Variants in XRRA1 observed in about 807,000 individuals in gnomAD.
The protein encoded by XRRA1 is X-ray radiation resistance associated 1.
A neutral mutation model predicts 80.2 loss-of-function variants in XRRA1; 69 were observed. The ratio of observed to expected loss-of-function variants is 0.86; its 90% CI spans 0.71 to 1.05. The LOEUF (loss-of-function observed/expected upper bound fraction) is 1.05. XRRA1 is among the 50% of genes least tolerant of loss of function. The pLI is 0.00. For synonymous variants in XRRA1, 348 were observed against 389.9 expected (o/e 0.89, Z 1.27); for missense variants, 967 against 976.4 (o/e 0.99, Z 0.13).
intron 8 of XRRA1, chr11:74,918,874 C>A (rs1205187789): frequency 6.6e-6 from 1 of 152,234 alleles, no homozygotes; most frequent in Non-Finnish European, 1.5e-5. Flanking sequence ...GCAGTACTAA[C>A]CATGGTAACT....
intron 8 of XRRA1, among the ~76,000 whole-genome samples, chr11:74,912,414 G>A (rs2056120710): frequency 6.6e-6 from 1 of 152,196 alleles, no homozygotes; most frequent in Admixed American, 6.5e-5. Context: ...AGAAGTGGCT[G>A]AGAGGCTGAG....
At chr11:74,845,435 T>C (rs886597015) in intron 15 of XRRA1, among the ~76,000 whole-genome samples, 164 bp from the exon 16 acceptor site, 1 of 152,228 alleles carries the variant, frequency 6.6e-6, no homozygotes, top group Non-Finnish European at 1.5e-5. Flanking sequence ...AGACAATTGA[T>C]AAATGCTTTA....
intron 10 of XRRA1, among the ~76,000 whole-genome samples, chr11:74,889,809 A>G (rs1425660140): frequency 6.6e-6 from 1 of 152,144 alleles, no homozygotes; most frequent in Non-Finnish European, 1.5e-5. Flanking sequence ...GACGAAGGCC[A>G]TTACATAATG....
intron 15 of XRRA1, among the ~76,000 whole-genome samples, chr11:74,847,312 G>A (rs1395141640): frequency 6.6e-6 from 1 of 152,170 alleles, no homozygotes; most frequent in African/African-American, 2.4e-5. Context: ...TGAGCAGACT[G>A]GAGGGGCAAG....
rs61112350 is a variant in XRRA1 at position 74,857,380 on chromosome 11, C to CA, written c.1170+1777dup. 3.8e-3 allele frequency among the ~76,000 whole-genome samples: 551 copies of CA among 144,022 alleles called. 2 individuals are homozygous for CA. In the Middle Eastern group the frequency reaches 0.041, roughly 11 times the overall value. 94.5% of individuals were successfully genotyped at this position (144,022 alleles called of 152,430 possible). On this transcript the variant is annotated intron_variant, in intron 12 of 18. Coordinates refer to ENST00000684022, the MANE Select transcript of XRRA1 (RefSeq NM_001378157.1). The stretch of plus-strand genomic sequence containing the variant: ...TCAAGACAAGGAATATGATTAGAGG[C>CA]AAAAAAAAAAGGCAACTCATAATTT...
chr11:74,846,615 G>A (rs1034780506), intron 15 of XRRA1, among the ~76,000 whole-genome samples: 1 of 151,492 alleles, frequency 6.6e-6, no homozygotes, highest in Non-Finnish European at 1.5e-5. Context: ...AGGAATGAAA[G>A]GTTGGTTTAA....
intron 10 of XRRA1, 49 bp downstream of exon 10, chr11:74,906,190 G>A (rs1565374082): frequency 6.5e-7 from 1 of 1,545,454 alleles, no homozygotes; most frequent in South Asian, 1.1e-5. Context: ...TCTCAGAAGT[G>A]TATTTCCACC....
At chr11:74,933,699 A>T in intron 5 of XRRA1, 102 bp downstream of exon 5, 1 of 1,023,216 alleles carries the variant, frequency 9.8e-7, no homozygotes, top group Non-Finnish European at 1.5e-6. Flanking sequence ...CCAGATTTCC[A>T]GTCCCTAGGG....
intron 8 of XRRA1, chr11:74,919,608 G>A (rs766427567): frequency 9.4e-5 from 51 of 544,392 alleles, no homozygotes; most frequent in Admixed American, 4.6e-4. Flanking sequence ...GAAGAAGGGT[G>A]GCAAGAAGAA....
At chr11:74,886,963 G>C (rs148247694) in intron 10 of XRRA1, among the ~76,000 whole-genome samples, 2 of 152,304 alleles carry the variant, frequency 1.3e-5, no homozygotes, top group African/African-American at 4.8e-5. Flanking sequence ...ATAAACAACA[G>C]GAAAAGATTC....
At chr11:74,869,293 A>T (rs1344334780) in intron 10 of XRRA1, among the ~76,000 whole-genome samples, 1 of 152,158 alleles carries the variant, frequency 6.6e-6, no homozygotes, top group Non-Finnish European at 1.5e-5. Flanking sequence ...TTTGAAACTA[A>T]AGGAGAACAA....
At chr11:74,850,540 G>GT (rs2039517880) in intron 14 of XRRA1, among the ~76,000 whole-genome samples, 1 of 152,196 alleles carries the variant, frequency 6.6e-6, no homozygotes, top group Non-Finnish European at 1.5e-5. Context: ...AAAGACTAAA[G>GT]TTCAGGAGGG....
chr11:74,850,805 G>T, intron 14 of XRRA1: 1 of 189,828 alleles, frequency 5.3e-6, no homozygotes. Flanking sequence ...AAAGTGCTGG[G>T]ATTAGAGGCG....
chr11:74,877,880 G>C (rs1285673789), intron 10 of XRRA1, among the ~76,000 whole-genome samples: 2 of 151,928 alleles, frequency 1.3e-5, no homozygotes, highest in East Asian at 3.9e-4. Flanking sequence ...CATTTGGGTT[G>C]GTTCCAAGTC....
Position 74,841,060 on chromosome 11 carries a change from A to G in XRRA1, c.*2140T>C, listed in dbSNP as rs2036463345. The G allele has an allele frequency of 6.6e-6, 1 of 152,170 alleles. No homozygotes were observed. Among genetic ancestry groups the G allele is most frequent in the African/African-American group, 2.4e-5 (1 of 41,440 alleles). The allele number at this position is 152,170 out of a possible 1,614,324, so 9.4% of individuals were successfully genotyped here. A position where few individuals can be genotyped will look rare whatever the true frequency, so the allele number is the denominator to read the frequency against. On this transcript the variant is annotated 3_prime_UTR_variant, in exon 19 of 19. Transcript: ENST00000684022. ...AGTCTCCATAGTATAAGTAAGTAATATGAATGTGGAATCTTGGAAAGTGAT... is the reference window on the plus strand; with the variant it reads ...AGTCTCCATAGTATAAGTAAGTAATGTGAATGTGGAATCTTGGAAAGTGAT...
chr11:74,906,497 G>A (rs1209321519), intron 9 of XRRA1, 41 bp from the exon 10 acceptor site: 1 of 1,589,326 alleles, frequency 6.3e-7, no homozygotes, highest in Non-Finnish European at 8.6e-7. Context: ...TAGCAATAAT[G>A]ATACCTCAGG....
At chr11:74,874,933 G>A (rs1231909096) in intron 10 of XRRA1, among the ~76,000 whole-genome samples, 1 of 152,188 alleles carries the variant, frequency 6.6e-6, no homozygotes, top group Non-Finnish European at 1.5e-5. Flanking sequence ...GACATTGAAA[G>A]TGCACCCCTC....
intron 10 of XRRA1, among the ~76,000 whole-genome samples, chr11:74,877,967 G>C (rs1010228372): frequency 6.6e-6 from 1 of 151,758 alleles, no homozygotes; most frequent in Non-Finnish European, 1.5e-5. Context: ...TAATCCTTTG[G>C]GTATATACCC....
rs1020641514 is a variant in XRRA1, at chr11:74,842,976, T to C, written c.*224A>G. The stretch of plus-strand genomic sequence containing the variant: ...ATGTGGCACCCAGTCTATTGCCCTG[T>C]GCACCCACTCTTTATTGCCGCTGGG... On this transcript the variant is annotated 3_prime_UTR_variant, in exon 19 of 19. Transcript: ENST00000684022. 2 of 589,600 alleles carry C rather than the reference T, an allele frequency of 3.4e-6. No homozygotes were observed. Among genetic ancestry groups the C allele is most frequent in the African/African-American group, 3.7e-5 (2 of 53,898 alleles). 36.5% of individuals were successfully genotyped at this position (589,600 alleles called of 1,614,324 possible).
Sources: allele counts gnomAD v4.1 joint callset (sites outside exome capture counted in the v4.1 genomes callset), GRCh38; gene constraint gnomAD v4.1.1; transcripts MANE v1.5; gene names NCBI Gene and HGNC (gene_info 2026-07-23, HGNC 2026-07-21).